The following ASAH2 variants were observed in gnomAD, a reference collection of about 807,000 sequenced individuals.
The protein encoded by ASAH2 is N-acylsphingosine amidohydrolase 2, also known as neutral ceramidase.
A neutral mutation model predicts 82.9 loss-of-function variants in ASAH2; 58 were observed. The ratio of observed to expected loss-of-function variants is 0.70; its 90% CI spans 0.57 to 0.87. ASAH2 has a LOEUF of 0.87. ASAH2 is among the 40% of genes least tolerant of loss of function. The pLI is 0.00. For synonymous variants in ASAH2, 276 were observed against 289.7 expected, an observed-to-expected ratio of 0.95 and a Z score of 0.48; for missense variants, 779 against 834.0, an observed-to-expected ratio of 0.93 and a Z score of 0.81.
rs1474051483 is a variant in ASAH2 at position 50,204,939 on chromosome 10, G to C, written c.1547C>G (p.Pro516Arg). 14 of 1,610,200 alleles carry C rather than the reference G, an allele frequency of 8.7e-6. No homozygotes were observed. The South Asian group carries it at 1.5e-4, about 18-fold the overall frequency. Residue 516 changes from proline (P) to arginine (R), a missense_variant, in exon 14 of 21, where the codon CCC becomes CGC. Physicochemically the swap from Pro to Arg is moderately radical, Grantham distance 103 (BLOSUM62 -2). Around this residue, in one of 3 missense-constraint regions of ASAH2, gnomAD observed 759 missense variants for 755.2 expected, o/e 1.00. Transcript: ENST00000682911. ...LHTGELSKPH[P>R]WHPDIVDVQI... ...AACATCAACAATGTCTGGATGCCAG[G>C]GGTGAGGTTTTGATAGCTGAGAACC... is the stretch of plus-strand genomic sequence containing the variant.
chr10:50,210,959 GA>G, intron 11 of ASAH2, 55 bp from the exon 12 acceptor site: 1 of 1,602,244 alleles, frequency 6.2e-7, no homozygotes, highest in Non-Finnish European at 8.6e-7. Flanking sequence ...AAGTTAAACT[GA>G]AAGTAAATAA....
At position 50,243,264 on chromosome 10, in the gene ASAH2, A is replaced by G. The variant is rs1029113272; in HGVS notation, c.448T>C (p.Ser150Pro). Residue 150 changes from serine (S) to proline (P), a missense_variant, in exon 4 of 21, where the codon TCC becomes CCC. Physicochemically the swap from Ser to Pro is moderately conservative, Grantham distance 74. Transcript: ENST00000682911. ...ATGCTGACAAACACTGTTCGATTGGACCCATCAGGTTCTGCCATGATGAAG... is the reference window on the plus strand; with the variant it reads ...ATGCTGACAAACACTGTTCGATTGGGCCCATCAGGTTCTGCCATGATGAAG... ...RAFIMAEPDG[S>P]NRTVFVSIDI... 3.7e-6 allele frequency: 6 copies of G among 1,614,020 alleles called. No individual in the cohort carries two copies. The highest frequency in any genetic ancestry group is 4.2e-6 in the Non-Finnish European group (5 of 1,179,970).
chr10:50,245,533 G>T, intron 2 of ASAH2, 79 bp from the exon 3 acceptor site: 1 of 1,267,310 alleles, frequency 7.9e-7, no homozygotes, highest in Non-Finnish European at 1.1e-6. Flanking sequence ...CAATATATAG[G>T]CTCAGGTTCA....
chr10:50,214,925 C>A, intron 8 of ASAH2, 57 bp from the exon 9 acceptor site: 1 of 1,598,396 alleles, frequency 6.3e-7, no homozygotes, highest in Non-Finnish European at 8.5e-7. Context: ...GTAATGAATG[C>A]CATTAGAAAT....
rs1845177191 is a variant in ASAH2, at chr10:50,202,479, A to G, written c.1761+350T>C. 5.9e-5 allele frequency among the ~76,000 whole-genome samples: 9 copies of G among 152,204 alleles called. No individual in the cohort carries two copies. In the South Asian group the frequency reaches 1.9e-3, roughly 32 times the overall value. ...CCAGTGCATTCAATAAACAGCTACT[A>G]GTAGGAGTTTTCTCCAGTGCTACAG... On this transcript the variant is annotated intron_variant, in intron 16 of 20. Coordinates refer to ENST00000682911, the MANE Select transcript of ASAH2 (RefSeq NM_019893.4).
intron 7 of ASAH2, among the ~76,000 whole-genome samples, chr10:50,222,929 T>A (rs1845784384): frequency 6.6e-6 from 1 of 152,192 alleles, no homozygotes; most frequent in African/African-American, 2.4e-5. Context: ...AAGTTAAGAA[T>A]TCAGACATAA....
At chr10:50,196,506 A>AT (rs1564832403) in intron 18 of ASAH2, among the ~76,000 whole-genome samples, 1 of 148,560 alleles carries the variant, frequency 6.7e-6, no homozygotes, top group Non-Finnish European at 1.5e-5. Context: ...TTGACTTAAG[A>AT]GACAACTCTC....
At position 50,248,553 on chromosome 10, in the gene ASAH2, T is replaced by C. The variant is rs1846532625; in HGVS notation, c.58A>G (p.Met20Val). Residue 20 changes from methionine to valine, a missense_variant, in exon 2 of 21, where the codon ATG becomes GTG. This residue lies in a region of ASAH2 where 759 missense variants were observed against 755.2 expected (regional missense o/e 1.00). Coordinates refer to ENST00000682911, the MANE Select transcript of ASAH2 (RefSeq NM_019893.4). The part of the protein sequence containing the change: ...ETFLIFLLVM[M>V]SAITVALLSL... ...AGAAGGGCCACTGTGATGGCACTCATCATTACAAGGAGGAAAATCAGGAAT... is the reference window on the plus strand; with the variant it reads ...AGAAGGGCCACTGTGATGGCACTCACCATTACAAGGAGGAAAATCAGGAAT... 5.0e-6 allele frequency: 8 copies of C among 1,613,580 alleles called. No individual in the cohort carries two copies. Among genetic ancestry groups the C allele is most frequent in the Non-Finnish European group, 6.8e-6 (8 of 1,179,632 alleles).
At chr10:50,248,760 CT>C in intron 1 of ASAH2, 114 bp from the exon 2 acceptor site, 1 of 773,840 alleles carries the variant, frequency 1.3e-6, no homozygotes, top group Non-Finnish European at 2.0e-6. Flanking sequence ...GTACAGAGCA[CT>C]TACCACTCAT....
intron 4 of ASAH2, among the ~76,000 whole-genome samples, chr10:50,237,604 A>G (rs916196008): frequency 6.5e-4 from 99 of 152,350 alleles, no homozygotes; most frequent in Non-Finnish European, 1.1e-3. Flanking sequence ...AAAGAGACTC[A>G]GTAAATGTTT....
chr10:50,204,681 A>G (rs1845248202), intron 14 of ASAH2, among the ~76,000 whole-genome samples, 180 bp downstream of exon 14: 1 of 151,934 alleles, frequency 6.6e-6, no homozygotes, highest in African/African-American at 2.4e-5. Context: ...TAATAAGCAT[A>G]GAGATAGTTA....
At position 50,187,021 on chromosome 10, in the gene ASAH2, A is replaced by T; in HGVS notation, c.*294T>A. 1 of 367,894 alleles carries T rather than the reference A, an allele frequency of 2.7e-6. No homozygotes were observed. The highest frequency in any genetic ancestry group is 4.9e-6 in the Non-Finnish European group (1 of 205,182). The allele number at this position is 367,894 out of a possible 1,614,324, so 22.8% of individuals were successfully genotyped here. On this transcript the variant is annotated 3_prime_UTR_variant, in exon 21 of 21. Transcript: ENST00000682911. ...TAAACAACCCCAAGACTTCAAGGGA[A>T]ATCATGCTTTAGGCTGTAGACCACA...
intron 14 of ASAH2, among the ~76,000 whole-genome samples, chr10:50,204,161 G>T (rs1018426402): frequency 5.9e-5 from 9 of 151,974 alleles, no homozygotes; most frequent in Non-Finnish European, 1.0e-4. Flanking sequence ...AATGAAATGA[G>T]AAGCTACTGG....
At chr10:50,247,426 A>G (rs1846493129) in intron 2 of ASAH2, among the ~76,000 whole-genome samples, 1 of 151,954 alleles carries the variant, frequency 6.6e-6, no homozygotes, top group Admixed American at 6.6e-5. Context: ...TGGTCCCCCA[A>G]AGTGCTGGGA....
chr10:50,231,698 A>G (rs888891726), intron 7 of ASAH2, among the ~76,000 whole-genome samples: 1 of 152,158 alleles, frequency 6.6e-6, no homozygotes, highest in Non-Finnish European at 1.5e-5. Context: ...TTGTAGTAGA[A>G]GAATAAGTCC....
chr10:50,224,744 C>A (rs1028516830), intron 7 of ASAH2, among the ~76,000 whole-genome samples: 100 of 152,138 alleles, frequency 6.6e-4, no homozygotes, highest in Non-Finnish European at 5.6e-4. Context: ...TAATTACCTT[C>A]ACACCCTCGT....
chr10:50,204,024 A>G (rs1177544319), intron 14 of ASAH2, among the ~76,000 whole-genome samples: 3 of 152,110 alleles, frequency 2.0e-5, no homozygotes, highest in Admixed American at 6.6e-5. Flanking sequence ...ACATTACTGT[A>G]TAAGTGTAAT....
At position 50,203,804 on chromosome 10, in the gene ASAH2, C is replaced by A. The variant is rs1320210380; in HGVS notation, c.1626-125G>T. 7.6e-6 allele frequency: 6 copies of A among 791,648 alleles called. No individual in the cohort carries two copies. In the East Asian group the frequency reaches 9.8e-5, roughly 13 times the overall value. 49.0% of individuals were successfully genotyped at this position (791,648 alleles called of 1,614,324 possible). ...CACACAATAGTAAAATATGTAGGAA[C>A]CCAATGACTATGAAAAGCTAAACTT... On this transcript the variant is annotated intron_variant, in intron 14 of 20. Transcript: ENST00000682911.
chr10:50,196,324 A>C (rs1844981411), intron 18 of ASAH2, among the ~76,000 whole-genome samples: 1 of 151,970 alleles, frequency 6.6e-6, no homozygotes, highest in South Asian at 2.1e-4. Flanking sequence ...AGATGACATG[A>C]TACTATATGT....
Sources: gnomAD v4.1 joint callset for allele counts (sites outside exome capture counted in the v4.1 genomes callset) on GRCh38, gnomAD v4.1.1 for gene constraint, gnomAD v4.1.1 regional missense constraint, MANE v1.5 for transcripts, NCBI Gene and HGNC (gene_info 2026-07-23, HGNC 2026-07-21) for gene names.